The following NEMP2 variants were observed in gnomAD, a reference collection of about 807,000 sequenced individuals.
NEMP2 encodes nuclear envelope integral membrane protein 2.
NEMP2 carries 53 observed loss-of-function variants against 54.2 expected under a neutral mutation model. The ratio of observed to expected loss-of-function variants is 0.98; its 90% CI spans 0.78 to 1.23. NEMP2 has a LOEUF of 1.23. Ranked by LOEUF, NEMP2 falls within the 50% of genes most tolerant of loss-of-function variation. NEMP2 has a pLI of 0.00. For missense variants in NEMP2, 455 were observed against 511.3 expected, an observed-to-expected ratio of 0.89 and a Z score of 1.06; for synonymous variants, 197 against 190.3, an observed-to-expected ratio of 1.04 and a Z score of -0.29.
At chr2:190,441,759 C>T in the NEMP2 span, among the ~76,000 whole-genome samples, 70 of 152,190 alleles carry the variant, frequency 4.6e-4, no homozygotes, top group Admixed American at 1.6e-3. Context: ...TGAGCTGCTG[C>T]GTCTCACCTA....
chr2:190,525,485 C>A lies in NEMP2; in HGVS notation c.98-107G>T. The A allele has an allele frequency of 3.4e-6, 2 of 593,386 alleles. No homozygotes were observed. The highest frequency in any genetic ancestry group is 2.2e-5 in the South Asian group (1 of 45,414). The allele number at this position is 593,386 out of a possible 1,614,324, so 36.8% of individuals were successfully genotyped here. A position where few individuals can be genotyped will look rare whatever the true frequency, so the allele number is the denominator to read the frequency against. ...CAGTAGCAGTTTTAACGTTCTATGGCCAATAAATTCTCCTATATGATAATT... is the reference window on the plus strand; with the variant it reads ...CAGTAGCAGTTTTAACGTTCTATGGACAATAAATTCTCCTATATGATAATT... On this transcript the variant is annotated intron_variant, in intron 1 of 8. Transcript: ENST00000409150. The surrounding 1 kb of genome is among the most constrained non-coding windows in gnomAD (Gnocchi z 5.0).
the NEMP2 span, among the ~76,000 whole-genome samples, chr2:190,592,262 C>A: frequency 6.6e-6 from 1 of 152,102 alleles, no homozygotes; most frequent in African/African-American, 2.4e-5. The surrounding 1 kb of genome is among the most constrained non-coding windows in gnomAD (Gnocchi z 4.4). Context: ...AATGGTATCA[C>A]CTCACTGAGT....
the NEMP2 span, chr2:190,437,710 C>T: frequency 9.9e-7 from 1 of 1,007,746 alleles, no homozygotes; most frequent in Non-Finnish European, 1.4e-6. This position sits in a 1 kb window ranked among gnomAD's most constrained non-coding sequence, Gnocchi z 5.9. Context: ...TCTTTTCCTC[C>T]TTAAAATAGA....
the NEMP2 span, among the ~76,000 whole-genome samples, chr2:190,582,191 G>C: frequency 7.3e-3 from 1,105 of 152,236 alleles, 45 homozygotes; most frequent in East Asian, 4.8e-3. This position sits in a 1 kb window ranked among gnomAD's most constrained non-coding sequence, Gnocchi z 4.6. Context: ...AGTCACTCGG[G>C]AACCATAAGC....
At chr2:190,497,070 T>A in the NEMP2 span, among the ~76,000 whole-genome samples, 1 of 152,180 alleles carries the variant, frequency 6.6e-6, no homozygotes, top group African/African-American at 2.4e-5. The surrounding 1 kb of genome is among the most constrained non-coding windows in gnomAD (Gnocchi z 5.2). Flanking sequence ...AAACATTTTT[T>A]AAAAAATAAC....
chr2:190,454,029 C>T, the NEMP2 span: 1 of 152,204 alleles, frequency 6.6e-6, no homozygotes, highest in Non-Finnish European at 1.5e-5. The surrounding 1 kb of genome is among the most constrained non-coding windows in gnomAD (Gnocchi z 4.6). Flanking sequence ...CCTAATTAGA[C>T]TAAATCAGTC....
intron 2 of NEMP2, among the ~76,000 whole-genome samples, chr2:190,524,818 G>A (rs1690875387): frequency 6.6e-6 from 1 of 152,174 alleles, no homozygotes; most frequent in Non-Finnish European, 1.5e-5. Context: ...GTACTTATAA[G>A]GTAGGTACTC....
At chr2:190,504,282 T>C (rs1329191257), downstream of NEMP2, 12 of 152,340 alleles carry the variant, frequency 7.9e-5, no homozygotes, top group East Asian at 2.1e-3. This position sits in a 1 kb window ranked among gnomAD's most constrained non-coding sequence, Gnocchi z 5.6. Context: ...ACTGCCATTG[T>C]TGTGCAGCAA....
At position 190,507,397 on chromosome 2, in the gene NEMP2, T is replaced by G. The variant is rs1690216129; in HGVS notation, c.*1792A>C. On this transcript the variant is annotated 3_prime_UTR_variant, in exon 9 of 9. Coordinates refer to ENST00000409150, the MANE Select transcript of NEMP2 (RefSeq NM_001142645.2). This position sits in a 1 kb window ranked among gnomAD's most constrained non-coding sequence, Gnocchi z 4.4. ...TGGCAGCCCCAGCAGATTGTTCATGTGTTATTTACTCATACGCATACGTTG... is the reference window on the plus strand; with the variant it reads ...TGGCAGCCCCAGCAGATTGTTCATGGGTTATTTACTCATACGCATACGTTG... 1 of 152,190 alleles carries G rather than the reference T, an allele frequency of 6.6e-6. No individual in the cohort carries two copies. Among genetic ancestry groups the G allele is most frequent in the African/African-American group, 2.4e-5 (1 of 41,454 alleles). 9.4% of individuals were successfully genotyped at this position (152,190 alleles called of 1,614,324 possible).
At chr2:190,480,341 G>A in the NEMP2 span, among the ~76,000 whole-genome samples, 1 of 152,088 alleles carries the variant, frequency 6.6e-6, no homozygotes, top group Admixed American at 6.6e-5. Context: ...ATTAATGCTT[G>A]TTGTTTAATT....
the NEMP2 span, among the ~76,000 whole-genome samples, chr2:190,566,178 C>G: frequency 3.3e-5 from 5 of 152,132 alleles, no homozygotes; most frequent in Admixed American, 2.6e-4. Context: ...CCATCACAAA[C>G]ATGAAAGAAA....
the NEMP2 span, among the ~76,000 whole-genome samples, chr2:190,637,850 C>G: frequency 1.3e-5 from 2 of 152,164 alleles, no homozygotes; most frequent in Non-Finnish European, 2.9e-5. This position sits in a 1 kb window ranked among gnomAD's most constrained non-coding sequence, Gnocchi z 4.5. Flanking sequence ...GTGTGTATCC[C>G]TCAGTCAGTG....
rs1690555394 is a variant in NEMP2 at position 190,516,346 on chromosome 2, AAACCAAC to A, written c.644_650del (p.Cys215LeufsTer10). On this transcript the variant is annotated frameshift_variant, in exon 6 of 9. Coordinates refer to ENST00000409150, the MANE Select transcript of NEMP2 (RefSeq NM_001142645.2). LOFTEE classifies it high-confidence loss of function. ...ACTGGCATACAATATAAACTGAGGC[AAACCAAC>A]AACCAACCATTAGAGCCCAAAAGGT... The A allele has an allele frequency of 6.4e-7, 1 of 1,551,558 alleles. No individual in the cohort carries two copies. The highest frequency in any genetic ancestry group is 1.2e-5 in the South Asian group (1 of 84,054).
At chr2:190,628,900 T>G in the NEMP2 span, among the ~76,000 whole-genome samples, 1 of 152,140 alleles carries the variant, frequency 6.6e-6, no homozygotes, top group African/African-American at 2.4e-5. The surrounding 1 kb of genome is among the most constrained non-coding windows in gnomAD (Gnocchi z 4.1). Context: ...AAAAATCCTC[T>G]CCTCAGATGT....
At chr2:190,567,440 A>G in the NEMP2 span, among the ~76,000 whole-genome samples, 2 of 152,150 alleles carry the variant, frequency 1.3e-5, no homozygotes, top group South Asian at 4.1e-4. This position sits in a 1 kb window ranked among gnomAD's most constrained non-coding sequence, Gnocchi z 4.0. Context: ...AACACAACAA[A>G]TAAAAAACGG....
upstream of NEMP2, among the ~76,000 whole-genome samples, chr2:190,537,933 A>T (rs1274256375): frequency 6.6e-6 from 1 of 152,174 alleles, no homozygotes; most frequent in African/African-American, 2.4e-5. Flanking sequence ...ACTTCACCCC[A>T]TTGGCTCCTC....
chr2:190,437,323 G>A, the NEMP2 span: 1 of 1,614,246 alleles, frequency 6.2e-7, no homozygotes, highest in South Asian at 1.1e-5. The surrounding 1 kb of genome is among the most constrained non-coding windows in gnomAD (Gnocchi z 5.9). Context: ...CCACTCGCAG[G>A]CCTTCAACTT....
Position 190,523,521 on chromosome 2 carries a change from T to A in NEMP2, c.213+1742A>T, listed in dbSNP as rs1207196288. ...TTTCTAATAGGTAGATATAGATGTATGTGCAGGCCTATGCGTGTGTATGTG... is the reference window on the plus strand; with the variant it reads ...TTTCTAATAGGTAGATATAGATGTAAGTGCAGGCCTATGCGTGTGTATGTG... On this transcript the variant is annotated intron_variant, in intron 2 of 8. Transcript: ENST00000409150. The surrounding 1 kb of genome is among the most constrained non-coding windows in gnomAD (Gnocchi z 5.3). Among the ~76,000 whole-genome samples, 1 of 152,210 alleles carries A rather than the reference T, an allele frequency of 6.6e-6. No individual in the cohort carries two copies. Among genetic ancestry groups the A allele is most frequent in the East Asian group, 1.9e-4 (1 of 5,200 alleles).
chr2:190,534,839 C>T, upstream of NEMP2: 3 of 426,146 alleles, frequency 7.0e-6, no homozygotes, highest in Non-Finnish European at 1.2e-5. Flanking sequence ...CCTCCGCCCG[C>T]GGCCTCGGGG....
Sources: allele counts gnomAD v4.1 joint callset (sites outside exome capture counted in the v4.1 genomes callset), GRCh38; gene constraint gnomAD v4.1.1; non-coding constraint Gnocchi (gnomAD v3.1); transcripts MANE v1.5; gene names NCBI Gene and HGNC (gene_info 2026-07-23, HGNC 2026-07-21).